The following DTNB variants were observed in gnomAD, a reference collection of about 807,000 sequenced individuals.
DTNB encodes DTN-B.
DTNB carries 63 observed loss-of-function variants against 90.7 expected under a neutral mutation model. That is an observed-to-expected ratio of 0.69 (90% CI 0.57 to 0.86). DTNB has a LOEUF of 0.86. Among genes scored for constraint, DTNB ranks in the 40% least tolerant of loss-of-function variants. DTNB has a pLI of 0.00. For missense variants in DTNB, 744 were observed against 807.1 expected (o/e 0.92, Z 0.95); for synonymous variants, 277 against 286.7 (o/e 0.97, Z 0.34).
intron 9 of DTNB, among the ~76,000 whole-genome samples, chr2:25,501,354 C>G (rs1237935039): frequency 3.3e-5 from 5 of 152,134 alleles, no homozygotes; most frequent in Admixed American, 2.6e-4. Context: ...CTAGCCGGGA[C>G]TACAGACACA....
At chr2:25,644,072 G>C (rs1352499877) in intron 2 of DTNB, among the ~76,000 whole-genome samples, 1 of 152,168 alleles carries the variant, frequency 6.6e-6, no homozygotes, top group East Asian at 1.9e-4. Context: ...GGTCTAAAAA[G>C]GGGAGGCATG....
chr2:25,668,868 GA>G (rs11347458), intron 1 of DTNB, among the ~76,000 whole-genome samples: 24,513 of 152,132 alleles, frequency 0.16, 2,563 homozygotes, highest in East Asian at 0.58. Context: ...CCAAAACGGG[GA>G]AACAACCCAA....
At chr2:25,603,108 G>A (rs1419523085) in intron 5 of DTNB, among the ~76,000 whole-genome samples, 3 of 152,106 alleles carry the variant, frequency 2.0e-5, no homozygotes, top group Admixed American at 6.6e-5. Context: ...GCTTTTTAAC[G>A]AATTTTAAAA....
chr2:25,526,395 A>ATATTTTTTTTTTTT, intron 9 of DTNB, among the ~76,000 whole-genome samples: 3 of 49,858 alleles, frequency 6.0e-5, no homozygotes, highest in African/African-American at 2.9e-4. Flanking sequence ...ATATATATAT[A>ATATTTTTTTTTTTT]TTTTTTTTTT....
At chr2:25,425,275 G>A (rs1432520174) in intron 15 of DTNB, among the ~76,000 whole-genome samples, 2 of 152,084 alleles carry the variant, frequency 1.3e-5, no homozygotes, top group African/African-American at 4.8e-5. Context: ...GCCAAAGCTA[G>A]GGGGAAAAAA....
intron 16 of DTNB, chr2:25,388,637 A>T (rs754763348): frequency 2.6e-4 from 99 of 384,976 alleles, no homozygotes; most frequent in Non-Finnish European, 3.5e-4. Context: ...AGTGGTGGAG[A>T]CAGAGTGAGC....
At chr2:25,555,055 G>C (rs1000672463) in intron 8 of DTNB, among the ~76,000 whole-genome samples, 2 of 152,000 alleles carry the variant, frequency 1.3e-5, no homozygotes, top group African/African-American at 4.8e-5. Context: ...CCAGCACTTT[G>C]GGAGGCCGAG....
intron 9 of DTNB, among the ~76,000 whole-genome samples, chr2:25,518,422 T>C: frequency 6.6e-6 from 1 of 152,156 alleles, no homozygotes; most frequent in East Asian, 1.9e-4. Context: ...TTTTGTTGTA[T>C]TACATAATGC....
At position 25,596,216 on chromosome 2, in the gene DTNB, G is replaced by T; in HGVS notation, c.473C>A (p.Ser158Tyr). Residue 158 changes from serine (S) to tyrosine (Y), a missense_variant, in exon 6 of 21, where the codon TCC (serine) becomes TAC (tyrosine). Ser to Tyr is a moderately radical substitution (Grantham distance 144). Coordinates refer to ENST00000406818, the MANE Select transcript of DTNB (RefSeq NM_021907.5). ...CTTGCTAAATATCATTAAGCCATTG[G>T]AATCTGACATCTGGGAGAAAACATC... ...LRYVFSQMSD[S>Y]NGLMIFSKFD... The T allele has an allele frequency of 6.2e-7, 1 of 1,609,450 alleles. No homozygotes were observed. The highest frequency in any genetic ancestry group is 1.1e-5 in the South Asian group (1 of 90,220).
chr2:25,410,711 GT>G (rs1458787778), intron 16 of DTNB, among the ~76,000 whole-genome samples: 1 of 152,098 alleles, frequency 6.6e-6, no homozygotes, highest in Non-Finnish European at 1.5e-5. Flanking sequence ...GGGGGCAATG[GT>G]TTAAAGGCAT....
intron 14 of DTNB, among the ~76,000 whole-genome samples, chr2:25,430,954 T>C (rs190040013): frequency 2.7e-4 from 41 of 152,342 alleles, no homozygotes; most frequent in African/African-American, 9.6e-4. Context: ...CCACTCACCC[T>C]ATGGGTGAAG....
chr2:25,587,888 TA>T (rs2062749411), intron 6 of DTNB, among the ~76,000 whole-genome samples: 1 of 152,190 alleles, frequency 6.6e-6, no homozygotes, highest in Non-Finnish European at 1.5e-5. Context: ...AGATCACTTG[TA>T]AGACACACCA....
chr2:25,421,740 T>C (rs1265799266), intron 15 of DTNB, among the ~76,000 whole-genome samples: 3 of 152,248 alleles, frequency 2.0e-5, no homozygotes, highest in Non-Finnish European at 2.9e-5. Context: ...TTCCACAGTT[T>C]TCTCCAGGTT....
At chr2:25,421,047 G>T (rs1018947238) in intron 15 of DTNB, 7 of 152,276 alleles carry the variant, frequency 4.6e-5, no homozygotes, top group Admixed American at 4.6e-4. Context: ...AAATCTAAAA[G>T]CTGTGCAATG....
chr2:25,526,874 GA>G (rs1232251713), intron 9 of DTNB, among the ~76,000 whole-genome samples: 5 of 152,010 alleles, frequency 3.3e-5, no homozygotes, highest in African/African-American at 1.2e-4. Context: ...TAAAATGGTG[GA>G]AAAAGTCCAC....
At chr2:25,459,999 G>A (rs868122209) in intron 10 of DTNB, among the ~76,000 whole-genome samples, 11 of 152,100 alleles carry the variant, frequency 7.2e-5, no homozygotes, top group African/African-American at 2.7e-4. Context: ...GAGAACAGGG[G>A]AAGATGCAGT....
At chr2:25,549,543 A>T (rs1471846156) in intron 8 of DTNB, among the ~76,000 whole-genome samples, 1 of 152,124 alleles carries the variant, frequency 6.6e-6, no homozygotes. Context: ...CCTACCCATA[A>T]AATTCCTTGT....
intron 9 of DTNB, among the ~76,000 whole-genome samples, chr2:25,495,078 T>C (rs1012839667): frequency 6.6e-6 from 1 of 152,146 alleles, no homozygotes; most frequent in African/African-American, 2.4e-5. Flanking sequence ...TTCTCTTTTT[T>C]TTTTTGAGTC....
At chr2:25,557,228 G>A (rs2057512865) in intron 8 of DTNB, among the ~76,000 whole-genome samples, 1 of 152,220 alleles carries the variant, frequency 6.6e-6, no homozygotes, top group Non-Finnish European at 1.5e-5. Context: ...AAGGCAGACT[G>A]GAGTTAGAGG....
Sources: allele counts gnomAD v4.1 joint callset (sites outside exome capture counted in the v4.1 genomes callset), GRCh38; gene constraint gnomAD v4.1.1; transcripts MANE v1.5; gene names NCBI Gene and HGNC (gene_info 2026-07-23, HGNC 2026-07-21).